Variants in HDX observed in about 807,000 individuals in gnomAD.
HDX encodes the protein highly divergent homeobox.
HDX carries 19 observed loss-of-function variants against 45.2 expected under a neutral mutation model. The observed-to-expected ratio is 0.42, with a 90% CI of 0.29 to 0.62. The LOEUF (loss-of-function observed/expected upper bound fraction) is 0.62, where lower values mean the gene tolerates loss of function less well. HDX is among the 20% of genes least tolerant of loss of function. The pLI is 0.20. For missense variants in HDX, 532 were observed against 493.9 expected (o/e 1.08, Z -0.73); for synonymous variants, 188 against 172.8 (o/e 1.09, Z -0.69).
At chrX:84,498,895 T>C (rs12690202) in intron 1 of HDX, among the ~76,000 whole-genome samples, 2 of 109,539 alleles carry the variant, frequency 1.8e-5, no homozygotes, top group East Asian at 5.8e-4. Flanking sequence ...AGATCCTAGC[T>C]AAAGCTCTGC....
At chrX:84,436,392 T>TA (rs1273989388) in intron 5 of HDX, among the ~76,000 whole-genome samples, 1,591 of 108,815 alleles carry the variant, frequency 0.015, 25 homozygotes, top group African/African-American at 0.049. Flanking sequence ...TAAAGTATAA[T>TA]AAAAAAAAAG....
chrX:84,427,100 C>T (rs5968318), intron 5 of HDX, among the ~76,000 whole-genome samples: 9,760 of 109,734 alleles, frequency 0.089, 593 homozygotes, highest in African/African-American at 0.22. Context: ...AAAATATTAA[C>T]GGAATATTGT....
chrX:84,372,973 G>A (rs2037935938), intron 5 of HDX, among the ~76,000 whole-genome samples: 1 of 111,792 alleles, frequency 8.9e-6, no homozygotes, highest in Non-Finnish European at 1.9e-5. Context: ...TAAACTGATA[G>A]TGTTAAGATA....
At chrX:84,372,038 T>A (rs767886953) in intron 5 of HDX, among the ~76,000 whole-genome samples, 2 of 112,176 alleles carry the variant, frequency 1.8e-5, no homozygotes, top group Admixed American at 9.5e-5. Flanking sequence ...TTTGAAAGAA[T>A]TCTATTGTTG....
At chrX:84,475,728 C>A (rs997964738) in intron 2 of HDX, among the ~76,000 whole-genome samples, 2 of 111,842 alleles carry the variant, frequency 1.8e-5, no homozygotes, top group African/African-American at 6.5e-5. Flanking sequence ...ATATTTATGG[C>A]TAGTAAAGTC....
chrX:84,323,766 C>G (rs996624768), intron 10 of HDX, among the ~76,000 whole-genome samples: 24 of 111,887 alleles, frequency 2.1e-4, no homozygotes, highest in African/African-American at 7.4e-4. Flanking sequence ...TTGGAACTGC[C>G]TTTTTCACAG....
chrX:84,356,748 G>A (rs777305181), intron 6 of HDX, among the ~76,000 whole-genome samples: 1 of 104,315 alleles, frequency 9.6e-6, no homozygotes. Flanking sequence ...TCAGCTTCCC[G>A]AGTAGCTGGG....
At chrX:84,409,043 C>A (rs1347610833) in intron 5 of HDX, among the ~76,000 whole-genome samples, 2 of 110,641 alleles carry the variant, frequency 1.8e-5, no homozygotes, top group Non-Finnish European at 3.8e-5. Context: ...ACAAACAACC[C>A]CATCAAAAAG....
At chrX:84,326,827 A>T (rs960174564) in intron 9 of HDX, among the ~76,000 whole-genome samples, 6 of 109,250 alleles carry the variant, frequency 5.5e-5, no homozygotes, top group Non-Finnish European at 9.5e-5. Flanking sequence ...CAGAAGAATC[A>T]CTTGAACCTT....
chrX:84,322,286 C>T (rs900739142), intron 10 of HDX, among the ~76,000 whole-genome samples: 65 of 110,714 alleles, frequency 5.9e-4, no homozygotes, highest in Non-Finnish European at 8.0e-4. Flanking sequence ...CTCTTCTGAA[C>T]CAAGTGCTTT....
At chrX:84,349,855 T>C (rs2037300308) in intron 6 of HDX, among the ~76,000 whole-genome samples, 1 of 109,636 alleles carries the variant, frequency 9.1e-6, no homozygotes, top group Admixed American at 9.8e-5. Context: ...AAGTGGGTGC[T>C]AAACAGTGGG....
intron 6 of HDX, among the ~76,000 whole-genome samples, chrX:84,345,562 T>C (rs1246059137): frequency 2.7e-5 from 3 of 112,011 alleles, no homozygotes; most frequent in Non-Finnish European, 5.7e-5. Context: ...TTGTTTCAGA[T>C]GTTTTGCTTA....
At chrX:84,496,209 T>C (rs2040998191) in intron 1 of HDX, among the ~76,000 whole-genome samples, 1 of 111,898 alleles carries the variant, frequency 8.9e-6, no homozygotes, top group South Asian at 3.7e-4. Context: ...GTATTTGTCA[T>C]ACAATGTATA....
intron 5 of HDX, among the ~76,000 whole-genome samples, chrX:84,384,745 G>A (rs2038268750): frequency 9.0e-6 from 1 of 111,096 alleles, no homozygotes; most frequent in African/African-American, 3.3e-5. Context: ...TTTTGCAAAT[G>A]ACTAGCCAGT....
chrX:84,469,647 T>C, intron 3 of HDX, 72 bp from the exon 4 acceptor site: 1 of 855,196 alleles, frequency 1.2e-6, no homozygotes, highest in Non-Finnish European at 1.6e-6. Context: ...TTTTACGTGG[T>C]ACATTATATT....
intron 5 of HDX, among the ~76,000 whole-genome samples, chrX:84,429,283 A>G (rs1347844027): frequency 1.8e-5 from 2 of 110,196 alleles, no homozygotes; most frequent in Non-Finnish European, 3.8e-5. Context: ...GGAAAATGAT[A>G]TCTTAGCATA....
intron 5 of HDX, among the ~76,000 whole-genome samples, chrX:84,428,149 T>G (rs1477466747): frequency 9.0e-6 from 1 of 110,717 alleles, no homozygotes; most frequent in Non-Finnish European, 1.9e-5. Flanking sequence ...TATCGAGTTT[T>G]GAGTATTCTT....
intron 5 of HDX, among the ~76,000 whole-genome samples, chrX:84,402,042 G>A (rs750265587): frequency 9.0e-6 from 1 of 110,946 alleles, no homozygotes; most frequent in South Asian, 3.9e-4. Context: ...GGGGCCAGTC[G>A]GAGGGTGAGG....
intron 6 of HDX, 147 bp from the exon 7 acceptor site, chrX:84,344,604 G>A (rs1291152093): frequency 1.0e-5 from 4 of 389,796 alleles, no homozygotes; most frequent in Admixed American, 4.7e-5. Context: ...ATGTCAATAC[G>A]CTAAAATAAA....
Sources: gnomAD v4.1 joint callset for allele counts (sites outside exome capture counted in the v4.1 genomes callset) on GRCh38, gnomAD v4.1.1 for gene constraint, MANE v1.5 for transcripts, NCBI Gene and HGNC (gene_info 2026-07-23, HGNC 2026-07-21) for gene names.